The following MTIF3 variants were observed in gnomAD, a reference collection of about 807,000 sequenced individuals.
The protein encoded by MTIF3 is mitochondrial translational initiation factor 3, also known as translation initiation factor IF-3, mitochondrial.
In MTIF3, 13 loss-of-function variants were observed where a neutral mutation model predicts 20.7. That is an observed-to-expected ratio of 0.63 (90% CI 0.41 to 1.00). The LOEUF (loss-of-function observed/expected upper bound fraction) is 1.00, where lower values mean the gene tolerates loss of function less well. Among genes scored for constraint, MTIF3 ranks in the 50% least tolerant of loss-of-function variants. The pLI is 0.00. For missense variants in MTIF3, 295 were observed against 324.5 expected (o/e 0.91, Z 0.70); for synonymous variants, 114 against 112.5 (o/e 1.01, Z -0.08).
chr13:27,438,911 G>C (rs1414352936), intron 3 of MTIF3, among the ~76,000 whole-genome samples: 1 of 149,314 alleles, frequency 6.7e-6, no homozygotes, highest in Non-Finnish European at 1.5e-5. Context: ...AAACTGAGCC[G>C]CAGATAACAT....
At chr13:27,437,324 C>A in intron 3 of MTIF3, 51 bp from the exon 4 acceptor site, 1 of 1,504,974 alleles carries the variant, frequency 6.6e-7, no homozygotes, top group Non-Finnish European at 9.0e-7. Flanking sequence ...CCACTGTGAA[C>A]CCTGAACTTC....
chr13:27,444,314 GA>G (rs144913741), intron 2 of MTIF3, among the ~76,000 whole-genome samples: 13 of 143,634 alleles, frequency 9.1e-5, no homozygotes, highest in South Asian at 4.4e-4. Flanking sequence ...CAAAAAAAAC[GA>G]AAAAAAAAAG....
At chr13:27,436,580 T>C (rs920402622) in intron 4 of MTIF3, among the ~76,000 whole-genome samples, 1 of 152,076 alleles carries the variant, frequency 6.6e-6, no homozygotes, top group Non-Finnish European at 1.5e-5. Context: ...TATAAAACAA[T>C]AGTATATTGC....
chr13:27,441,103 G>T, intron 2 of MTIF3: 1 of 154,606 alleles, frequency 6.5e-6, no homozygotes, highest in Non-Finnish European at 1.4e-5. Flanking sequence ...AAGAGGAGGG[G>T]TTGGTCTTCT....
At chr13:27,446,346 C>T (rs1043078821) in intron 1 of MTIF3, among the ~76,000 whole-genome samples, 5 of 152,278 alleles carry the variant, frequency 3.3e-5, no homozygotes, top group South Asian at 4.1e-4. Flanking sequence ...GCGTGAGCCA[C>T]GGCACCCGCC....
At chr13:27,439,631 A>G (rs573953348) in intron 3 of MTIF3, among the ~76,000 whole-genome samples, 1 of 152,324 alleles carries the variant, frequency 6.6e-6, no homozygotes, top group East Asian at 1.9e-4. Flanking sequence ...TACCCCTCCT[A>G]ATCTCACTCT....
chr13:27,437,417 T>C (rs997353867), intron 3 of MTIF3, 144 bp from the exon 4 acceptor site: 3 of 697,822 alleles, frequency 4.3e-6, no homozygotes, highest in Non-Finnish European at 6.8e-6. Context: ...AGTAAATGTC[T>C]TTTCAAATGG....
chr13:27,450,441 C>T (rs893692686), intron 1 of MTIF3, 68 bp downstream of exon 1: 40 of 152,530 alleles, frequency 2.6e-4, no homozygotes, highest in African/African-American at 8.7e-4. Flanking sequence ...CACAGGGGCG[C>T]CCCCTAAGGC....
At chr13:27,444,810 T>C (rs1228773358) in intron 2 of MTIF3, among the ~76,000 whole-genome samples, 1 of 152,220 alleles carries the variant, frequency 6.6e-6, no homozygotes, top group Admixed American at 6.5e-5. Context: ...AAAACGTTCC[T>C]TTATTTCATC....
chr13:27,444,848 T>C (rs1451589088), intron 2 of MTIF3, among the ~76,000 whole-genome samples: 2 of 152,228 alleles, frequency 1.3e-5, no homozygotes, highest in South Asian at 2.1e-4. Flanking sequence ...ATTTCCATGA[T>C]GGTATTATGA....
intron 1 of MTIF3, 144 bp from the exon 2 acceptor site, chr13:27,445,300 C>G (rs898259596): frequency 6.6e-6 from 1 of 152,084 alleles, no homozygotes; most frequent in Non-Finnish European, 1.5e-5. Context: ...GGACACACAG[C>G]AAGACCCAGT....
intron 3 of MTIF3, 39 bp from the exon 4 acceptor site, chr13:27,437,312 G>C (rs764551122): frequency 1.3e-5 from 21 of 1,581,718 alleles, no homozygotes; most frequent in Non-Finnish European, 1.8e-5. Context: ...CTACTGACTA[G>C]TCCACTGTGA....
intron 2 of MTIF3, among the ~76,000 whole-genome samples, chr13:27,441,594 T>A (rs1175943382): frequency 6.6e-6 from 1 of 152,254 alleles, no homozygotes; most frequent in Non-Finnish European, 1.5e-5. Context: ...TTTGAAGCAC[T>A]TACAAATGGC....
intron 1 of MTIF3, among the ~76,000 whole-genome samples, chr13:27,445,506 C>T (rs1218900204): frequency 6.6e-6 from 1 of 151,878 alleles, no homozygotes; most frequent in Non-Finnish European, 1.5e-5. Flanking sequence ...ACCATTTTTC[C>T]AACCCCAACG....
intron 2 of MTIF3, among the ~76,000 whole-genome samples, chr13:27,440,724 C>CT (rs55860722): frequency 0.62 from 91,190 of 147,676 alleles, 29,735 homozygotes; most frequent in Middle Eastern, 0.76. Context: ...TTTGGTTTCA[C>CT]TTTTTTTTTT....
At chr13:27,437,711 C>T (rs1168814354) in intron 3 of MTIF3, among the ~76,000 whole-genome samples, 2 of 152,140 alleles carry the variant, frequency 1.3e-5, no homozygotes, top group Admixed American at 6.5e-5. Context: ...TGTTCATGCC[C>T]TCTGTCTCCA....
intron 2 of MTIF3, among the ~76,000 whole-genome samples, chr13:27,444,213 G>A (rs1954097733): frequency 6.6e-6 from 1 of 152,326 alleles, no homozygotes; most frequent in Admixed American, 6.5e-5. Flanking sequence ...GGCTGAGGCA[G>A]GAGAATGGCG....
intron 1 of MTIF3, among the ~76,000 whole-genome samples, chr13:27,447,732 T>TCA (rs1266567225): frequency 3.5e-3 from 1 of 282 alleles, no homozygotes; most frequent in Non-Finnish European, 0.011. Context: ...TTTTTTCCCA[T>TCA]CAGTCTGTCC....
chr13:27,449,821 T>G (rs946262428), intron 1 of MTIF3: 39 of 152,216 alleles, frequency 2.6e-4, no homozygotes, highest in African/African-American at 8.0e-4. Context: ...TCCTCTACTT[T>G]TCTAAGACTT....
Sources: allele counts gnomAD v4.1 joint callset (sites outside exome capture counted in the v4.1 genomes callset), GRCh38; gene constraint gnomAD v4.1.1; transcripts MANE v1.5; gene names NCBI Gene and HGNC (gene_info 2026-07-23, HGNC 2026-07-21).